Variants in HAPLN2 observed in about 807,000 individuals in gnomAD.
The protein encoded by HAPLN2 is brain link protein-1.
In HAPLN2, 27 loss-of-function variants were observed where a neutral mutation model predicts 29.3. The ratio of observed to expected loss-of-function variants is 0.92; its 90% CI spans 0.68 to 1.27. The LOEUF is 1.27. Among genes scored for constraint, HAPLN2 ranks in the 50% most tolerant of loss-of-function variants. The pLI is 0.00. For missense variants in HAPLN2, 454 were observed against 484.3 expected (o/e 0.94, Z 0.59); for synonymous variants, 208 against 211.7 (o/e 0.98, Z 0.15).
chr1:156,606,308 C>A, the HAPLN2 span, among the ~76,000 whole-genome samples: 1,045 of 151,018 alleles, frequency 6.9e-3, 14 homozygotes, highest in African/African-American at 0.023. Flanking sequence ...CTGAATGTGG[C>A]GGCCCACGCC....
upstream of HAPLN2, among the ~76,000 whole-genome samples, chr1:156,619,046 T>C (rs1678136958): frequency 6.6e-6 from 1 of 152,068 alleles, no homozygotes; most frequent in African/African-American, 2.4e-5. Flanking sequence ...TGCTAGCCAC[T>C]CCCTCTGCCC....
chr1:156,622,538 G>A (rs1678268592), intron 2 of HAPLN2, among the ~76,000 whole-genome samples: 1 of 152,132 alleles, frequency 6.6e-6, no homozygotes. Flanking sequence ...CCCAAAGGAG[G>A]TGAGGCCTGT....
At chr1:156,602,970 G>A in the HAPLN2 span, among the ~76,000 whole-genome samples, 1 of 151,760 alleles carries the variant, frequency 6.6e-6, no homozygotes, top group Admixed American at 6.6e-5. Flanking sequence ...TGTCATAATT[G>A]CCCTGTATGT....
the HAPLN2 span, among the ~76,000 whole-genome samples, chr1:156,605,979 G>A: frequency 6.6e-6 from 1 of 151,996 alleles, no homozygotes; most frequent in Non-Finnish European, 1.5e-5. Context: ...GTGAGACATC[G>A]TCTCTACTAA....
Position 156,624,050 on chromosome 1 carries a change from A to T in HAPLN2, c.329A>T (p.Asp110Val), listed in dbSNP as rs1678352090. 1 of 1,613,152 alleles carries T rather than the reference A, an allele frequency of 6.2e-7. No homozygotes were observed. Among genetic ancestry groups the T allele is most frequent in the Non-Finnish European group, 8.5e-7 (1 of 1,179,764 alleles). The change falls in exon 4 of 7, where the codon GAC (aspartate) becomes GTC (valine). Residue 110 changes from aspartate (D) to valine (V), a missense_variant. Physicochemically the swap from Asp to Val is radical, Grantham distance 152. This residue lies in a region of HAPLN2 where 204 missense variants were observed against 209.2 expected (regional missense o/e 0.98). Transcript: ENST00000255039. Reference sequence around the variant, plus strand: ...AGGATGCGGAGGGGGCATCGACTAGACGCCTCCCTGGTCATCGCGGGCGTG... The same window carrying T: ...AGGATGCGGAGGGGGCATCGACTAGTCGCCTCCCTGGTCATCGCGGGCGTG... ...RARMRRGHRL[D>V]ASLVIAGVRL...
At chr1:156,616,162 CG>C (rs2102518282), upstream of HAPLN2, among the ~76,000 whole-genome samples, 1 of 152,092 alleles carries the variant, frequency 6.6e-6, no homozygotes, top group East Asian at 1.9e-4. Context: ...AAGGAGATGT[CG>C]GGACTCCGTG....
At chr1:156,609,847 C>A in the HAPLN2 span, among the ~76,000 whole-genome samples, 85 of 152,260 alleles carry the variant, frequency 5.6e-4, no homozygotes, top group Admixed American at 5.1e-3. Context: ...AATCTATACA[C>A]CAAACCCCCA....
rs1383318773 is a variant in HAPLN2 at position 156,619,429 on chromosome 1, T to C, written c.-272T>C. The C allele has an allele frequency of 1.3e-5, 2 of 151,426 alleles. No homozygotes were observed. The highest frequency in any genetic ancestry group is 2.4e-5 in the African/African-American group (1 of 41,060). 9.4% of individuals were successfully genotyped at this position (151,426 alleles called of 1,614,324 possible). On this transcript the variant is annotated 5_prime_UTR_variant, in exon 1 of 7. Transcript: ENST00000255039. ...GACAGACAGACAGACAGACAGGGGGTTGTACAGAAGAGGTCCGGTTTCTTG... is the reference window on the plus strand; with the variant it reads ...GACAGACAGACAGACAGACAGGGGGCTGTACAGAAGAGGTCCGGTTTCTTG...
chr1:156,604,304 C>CTTTTT, the HAPLN2 span, among the ~76,000 whole-genome samples: 1 of 79,496 alleles, frequency 1.3e-5, no homozygotes, highest in Non-Finnish European at 2.7e-5. Context: ...TTTTTTTTTT[C>CTTTTT]TTTTTTTTTT....
Position 156,623,853 on chromosome 1 carries a change from C to A in HAPLN2, c.132C>A (p.Val44=). The A allele has an allele frequency of 6.4e-7, 1 of 1,552,828 alleles. No homozygotes were observed. The stretch of plus-strand genomic sequence containing the variant: ...ACCTCCTGCCCCCCATCCACGAGGT[C>A]ATTCACTCTCATCGTGGGGCCACGG... ...PHYLLPPIHE[V]IHSHRGATAT... is the part of the protein sequence containing the mutation. The change falls in exon 4 of 7, where the codon GTC becomes GTA. Residue 44 remains valine (V), a synonymous_variant. Transcript: ENST00000255039.
the HAPLN2 span, among the ~76,000 whole-genome samples, chr1:156,610,842 A>G: frequency 6.6e-6 from 1 of 152,196 alleles, no homozygotes; most frequent in Non-Finnish European, 1.5e-5. Flanking sequence ...AGAAAAAAGG[A>G]AAGGAAAATT....
Position 156,625,702 on chromosome 1 carries a change from C to A in HAPLN2, c.*318C>A. On this transcript the variant is annotated 3_prime_UTR_variant, in exon 7 of 7. Coordinates refer to ENST00000255039, the MANE Select transcript of HAPLN2 (RefSeq NM_021817.3). This position sits in a 1 kb window ranked among gnomAD's most constrained non-coding sequence, Gnocchi z 5.7. ...GGCATTAACTGACCTCTGAGTACAGCAATAAAATAACCTGGGGATCTTTTG... is the reference window on the plus strand; with the variant it reads ...GGCATTAACTGACCTCTGAGTACAGAAATAAAATAACCTGGGGATCTTTTG... 3.1e-6 allele frequency: 1 copy of A among 322,258 alleles called. No homozygotes were observed. The highest frequency in any genetic ancestry group is 5.6e-6 in the Non-Finnish European group (1 of 177,378). 20.0% of individuals were successfully genotyped at this position (322,258 alleles called of 1,614,324 possible). A position where few individuals can be genotyped will look rare whatever the true frequency, so the allele number is the denominator to read the frequency against.
At chr1:156,609,519 A>G in the HAPLN2 span, among the ~76,000 whole-genome samples, 3 of 152,206 alleles carry the variant, frequency 2.0e-5, no homozygotes, top group Non-Finnish European at 4.4e-5. Flanking sequence ...GTAGTCTTCC[A>G]ATTAAAAAAT....
chr1:156,623,933 G>A lies in HAPLN2; in HGVS notation c.212G>A (p.Ser71Asn), dbSNP rs771555812. The change falls in exon 4 of 7, where the codon AGC becomes AAC. Residue 71 changes from serine (S) to asparagine (N), a missense_variant. Around this residue, in one of 3 missense-constraint regions of HAPLN2, gnomAD observed 204 missense variants for 209.2 expected, o/e 0.98. Coordinates refer to ENST00000255039, the MANE Select transcript of HAPLN2 (RefSeq NM_021817.3). The stretch of plus-strand genomic sequence containing the variant: ...CCTCCCAGCTACAAGGTGCGCTGGA[G>A]CAAGGTGGAGCCTGGGGAGCTCCGG... ...TTPPSYKVRW[S>N]KVEPGELRET... 9 of 1,607,270 alleles carry A rather than the reference G, an allele frequency of 5.6e-6. No homozygotes were observed. Among genetic ancestry groups the A allele is most frequent in the Non-Finnish European group, 7.6e-6 (9 of 1,176,874 alleles).
At chr1:156,612,786 T>C in the HAPLN2 span, among the ~76,000 whole-genome samples, 2 of 152,184 alleles carry the variant, frequency 1.3e-5, no homozygotes, top group African/African-American at 4.8e-5. Flanking sequence ...AGATACAAAG[T>C]GGTCCTACCC....
At chr1:156,609,788 T>C in the HAPLN2 span, among the ~76,000 whole-genome samples, 3 of 152,014 alleles carry the variant, frequency 2.0e-5, no homozygotes, top group South Asian at 2.1e-4. Flanking sequence ...AGGGTGAGGA[T>C]TGAAAACCTA....
chr1:156,623,903 C>G lies in HAPLN2; in HGVS notation c.182C>G (p.Thr61Ser), dbSNP rs1345050702. 1 of 1,599,204 alleles carries G rather than the reference C, an allele frequency of 6.3e-7. No individual in the cohort carries two copies. Among genetic ancestry groups the G allele is most frequent in the African/African-American group, 1.3e-5 (1 of 74,850 alleles). Residue 61 changes from threonine (T) to serine (S), a missense_variant, in exon 4 of 7, where the codon ACC becomes AGC. Physicochemically the swap from Thr to Ser is moderately conservative, Grantham distance 58. This residue lies in a region of HAPLN2 where 204 missense variants were observed against 209.2 expected (regional missense o/e 0.98). Coordinates refer to ENST00000255039, the MANE Select transcript of HAPLN2 (RefSeq NM_021817.3). ...ATATLPCVLG[T>S]TPPSYKVRWS... ...GCCACGCTGCCCTGCGTCCTGGGCACCACGCCTCCCAGCTACAAGGTGCGC... is the reference window on the plus strand; with the variant it reads ...GCCACGCTGCCCTGCGTCCTGGGCAGCACGCCTCCCAGCTACAAGGTGCGC...
upstream of HAPLN2, among the ~76,000 whole-genome samples, chr1:156,616,281 C>T: frequency 6.6e-6 from 1 of 152,206 alleles, no homozygotes; most frequent in East Asian, 1.9e-4. Context: ...TCTCAGCCAT[C>T]TCACCCCACT....
upstream of HAPLN2, among the ~76,000 whole-genome samples, chr1:156,615,569 TC>T (rs764791106): frequency 0.22 from 30,356 of 138,608 alleles, 3,331 homozygotes; most frequent in South Asian, 0.43. Context: ...TCTCTCTCTC[TC>T]TCTTTTTTTT....
Sources: allele counts gnomAD v4.1 joint callset (sites outside exome capture counted in the v4.1 genomes callset), GRCh38; gene constraint gnomAD v4.1.1; regional missense constraint gnomAD v4.1.1; non-coding constraint Gnocchi (gnomAD v3.1); transcripts MANE v1.5; gene names NCBI Gene and HGNC (gene_info 2026-07-23, HGNC 2026-07-21).